ERAP1: variants seen among roughly 807,000 people sequenced by gnomAD.
ERAP1 encodes the protein adipocyte-derived leucine aminopeptidase.
A neutral mutation model predicts 103.7 loss-of-function variants in ERAP1; 86 were observed. That is an observed-to-expected ratio of 0.83 (90% confidence interval 0.70 to 0.99). ERAP1 has a LOEUF of 0.99. Ranked by LOEUF, ERAP1 falls within the 50% of genes least tolerant of loss-of-function variation. The probability of loss-of-function intolerance (pLI) is 0.00; values close to 1 mark genes in which losing one functional copy is unlikely to be tolerated. For missense variants in ERAP1, 1,009 were observed against 1,128.4 expected, an observed-to-expected ratio of 0.89 and a Z score of 1.52; for synonymous variants, 398 against 402.4, an observed-to-expected ratio of 0.99 and a Z score of 0.13.
At chr5:96,920,132 G>A in the ERAP1 span, among the ~76,000 whole-genome samples, 1 of 150,490 alleles carries the variant, frequency 6.6e-6, no homozygotes, top group Non-Finnish European at 1.5e-5. Context: ...GCAACATGGC[G>A]AAACCGTTTC....
chr5:96,814,158 G>A, the ERAP1 span: 2 of 446,234 alleles, frequency 4.5e-6, no homozygotes, highest in Non-Finnish European at 9.1e-6. Context: ...CTGCTTCCAA[G>A]CTCACATCAT....
In ERAP1 at chr5:96,797,286, T is replaced by C. The variant is rs745524390; in HGVS notation, c.687A>G (p.Glu229=). The change falls in exon 4 of 19, where the codon GAA becomes GAG. Residue 229 remains glutamate, a synonymous_variant. Coordinates refer to ENST00000443439, the MANE Select transcript of ERAP1 (RefSeq NM_001040458.3). ...MPLVKSVTVA[E]GLIEDHFDVT... ...CATCAAAATGGTCTTCTATGAGTCC[T>C]TCAGCAACAGTCACAGATTTCACCT... 1.2e-6 allele frequency: 2 copies of C among 1,614,152 alleles called. No homozygotes were observed. The highest frequency in any genetic ancestry group is 1.1e-5 in the South Asian group (1 of 91,084).
At chr5:96,820,912 G>T in the ERAP1 span, among the ~76,000 whole-genome samples, 102 of 152,096 alleles carry the variant, frequency 6.7e-4, 1 homozygote, top group Non-Finnish European at 1.3e-3. Context: ...TTGAATATTT[G>T]TATCAGGGTT....
chr5:96,766,830 C>G (rs1235147055), intron 19 of ERAP1, among the ~76,000 whole-genome samples: 1 of 152,026 alleles, frequency 6.6e-6, no homozygotes, highest in Non-Finnish European at 1.5e-5. Flanking sequence ...TTACACCCTT[C>G]TCTTTCTGTA....
chr5:96,860,093 A>G, the ERAP1 span, among the ~76,000 whole-genome samples: 124 of 152,120 alleles, frequency 8.2e-4, no homozygotes, highest in Admixed American at 6.7e-3. Flanking sequence ...AGAGAGTCTC[A>G]CTCTGTTGAC....
At chr5:96,785,373 T>G (rs984202040) in intron 13 of ERAP1, 52 of 242,700 alleles carry the variant, frequency 2.1e-4, no homozygotes, top group African/African-American at 1.2e-3. Flanking sequence ...AACTTGGGCC[T>G]GTGTCACTTA....
chr5:96,772,865 T>C (rs1004813983), downstream of ERAP1: 1 of 153,316 alleles, frequency 6.5e-6, no homozygotes, highest in African/African-American at 2.4e-5. Flanking sequence ...TTGCCTTCAA[T>C]TGGGAGAGAA....
At chr5:96,808,125 G>A (rs1236433791), upstream of ERAP1, 1 of 985,684 alleles carries the variant, frequency 1.0e-6, no homozygotes, top group Non-Finnish European at 1.2e-6. Context: ...CGCCGGGGAA[G>A]CTGCGAGGTT....
chr5:96,888,956 A>G, the ERAP1 span, among the ~76,000 whole-genome samples: 1 of 152,216 alleles, frequency 6.6e-6, no homozygotes, highest in South Asian at 2.1e-4. Context: ...ACAGATGAGC[A>G]CTGAGGAAAT....
At chr5:96,782,073 C>A (rs1163047117) in intron 15 of ERAP1, among the ~76,000 whole-genome samples, 1 of 149,222 alleles carries the variant, frequency 6.7e-6, no homozygotes, top group Non-Finnish European at 1.5e-5. Flanking sequence ...TGCCGTGGCT[C>A]GATATCGGTT....
chr5:96,871,559 GT>G, the ERAP1 span, among the ~76,000 whole-genome samples: 1 of 152,036 alleles, frequency 6.6e-6, no homozygotes, highest in Non-Finnish European at 1.5e-5. Context: ...AATCACCCTG[GT>G]TTATTTTGCC....
the ERAP1 span, among the ~76,000 whole-genome samples, chr5:96,834,789 A>C: frequency 1.3e-5 from 2 of 152,226 alleles, no homozygotes; most frequent in African/African-American, 4.8e-5. Flanking sequence ...TTACTAAATC[A>C]TAATTGCATG....
chr5:96,873,293 T>A, the ERAP1 span: 1 of 455,398 alleles, frequency 2.2e-6, no homozygotes, highest in South Asian at 1.5e-5. Flanking sequence ...CACCTGTTTG[T>A]TGAGGGCCTA....
the ERAP1 span, among the ~76,000 whole-genome samples, chr5:96,856,134 C>T: frequency 4.6e-5 from 7 of 150,988 alleles, no homozygotes; most frequent in South Asian, 4.2e-4. Context: ...GCCTGGCTAA[C>T]GTGGTGAAAC....
At chr5:96,885,014 T>A in the ERAP1 span, among the ~76,000 whole-genome samples, 1 of 152,198 alleles carries the variant, frequency 6.6e-6, no homozygotes, top group African/African-American at 2.4e-5. Context: ...CATACACGTC[T>A]ATTTAAGGCA....
the ERAP1 span, among the ~76,000 whole-genome samples, chr5:96,874,334 C>G: frequency 6.6e-6 from 1 of 152,208 alleles, no homozygotes; most frequent in African/African-American, 2.4e-5. Context: ...TCTCCATCAC[C>G]ACTTCTGTTC....
At chr5:96,769,170 G>A (rs1204528003) in intron 19 of ERAP1, 1 of 152,104 alleles carries the variant, frequency 6.6e-6, no homozygotes, top group Non-Finnish European at 1.5e-5. Context: ...TATTGTTTTG[G>A]CTGTTCTAAG....
downstream of ERAP1, chr5:96,774,293 A>C (rs1773520018): frequency 6.1e-6 from 1 of 162,646 alleles, no homozygotes; most frequent in Non-Finnish European, 1.3e-5. Flanking sequence ...AAAATCCAGA[A>C]GTTTAAAGAT....
In ERAP1 at chr5:96,793,931, A is replaced by G; in HGVS notation, c.946T>C (p.Ser316Pro). ...AGTCCCCAGTTTTCCATAGCACCAGACTGAAAGTCGGGAATAGCAGCAAGA... is the reference window on the plus strand; with the variant it reads ...AGTCCCCAGTTTTCCATAGCACCAGGCTGAAAGTCGGGAATAGCAGCAAGA... Reference protein sequence around the residue: ...QDLAAIPDFQSGAMENWGLTT... With the variant: ...QDLAAIPDFQPGAMENWGLTT... The change falls in exon 6 of 19, where the codon TCT becomes CCT. Residue 316 changes from serine to proline, a missense_variant. This residue lies in a region of ERAP1 where 392 missense variants were observed against 455.2 expected (regional missense o/e 0.86). Transcript: ENST00000443439. 3 of 1,614,072 alleles carry G rather than the reference A, an allele frequency of 1.9e-6. No homozygotes were observed. The highest frequency in any genetic ancestry group is 2.5e-6 in the Non-Finnish European group (3 of 1,179,944).
Sources: gnomAD v4.1 joint callset for allele counts (sites outside exome capture counted in the v4.1 genomes callset) on GRCh38, gnomAD v4.1.1 for gene constraint, gnomAD v4.1.1 regional missense constraint, MANE v1.5 for transcripts, NCBI Gene and HGNC (gene_info 2026-07-23, HGNC 2026-07-21) for gene names.